Variants in GPR160 observed in about 807,000 individuals in gnomAD.
GPR160 encodes G protein-coupled receptor 160.
GPR160 carries 2 observed loss-of-function variants against 2.6 expected under a neutral mutation model. The observed-to-expected ratio is 0.77, with a 90% CI of 0.32 to 2.44. The LOEUF (loss-of-function observed/expected upper bound fraction) is 2.44, where lower values mean the gene tolerates loss of function less well. GPR160 is among the 30% of genes most tolerant of loss of function. GPR160 has a pLI of 0.11. For synonymous variants in GPR160, 130 were observed against 132.2 expected (o/e 0.98, Z 0.12); for missense variants, 351 against 383.6 (o/e 0.91, Z 0.71).
chr3:170,076,608 A>G (rs1712863090), intron 2 of GPR160, among the ~76,000 whole-genome samples: 1 of 151,866 alleles, frequency 6.6e-6, no homozygotes, highest in Non-Finnish European at 1.5e-5. Flanking sequence ...TAGTGGTGCA[A>G]TCTCGGCTCA....
chr3:170,060,168 C>A (rs1182761893), intron 2 of GPR160, among the ~76,000 whole-genome samples: 1 of 151,894 alleles, frequency 6.6e-6, no homozygotes, highest in African/African-American at 2.4e-5. Flanking sequence ...CCTGAAGGAA[C>A]CCTGACAAGA....
At chr3:170,049,676 C>G (rs1373435480) in intron 2 of GPR160, among the ~76,000 whole-genome samples, 8 of 152,026 alleles carry the variant, frequency 5.3e-5, no homozygotes, top group Admixed American at 2.6e-4. Flanking sequence ...GAGGGTCACT[C>G]TAAGGGGACC....
intron 2 of GPR160, among the ~76,000 whole-genome samples, chr3:170,049,110 A>G (rs1716850690): frequency 6.6e-6 from 1 of 152,190 alleles, no homozygotes; most frequent in African/African-American, 2.4e-5. Context: ...AAGACCGTGT[A>G]AGGACAAGAG....
At chr3:170,064,535 T>TTC (rs1219393634) in intron 2 of GPR160, among the ~76,000 whole-genome samples, 29 of 128,030 alleles carry the variant, frequency 2.3e-4, no homozygotes, top group Admixed American at 5.4e-4. Flanking sequence ...TTTTTTTTTT[T>TTC]TGAGGCAGAG....
At chr3:170,042,977 A>G (rs113170134) in intron 2 of GPR160, among the ~76,000 whole-genome samples, 52,132 of 141,188 alleles carry the variant, frequency 0.37, 9,396 homozygotes, top group East Asian at 0.62. Flanking sequence ...TGCCTCCCGG[A>G]TTCATGCCAT....
chr3:170,080,128 G>A (rs1225044598), intron 3 of GPR160, among the ~76,000 whole-genome samples: 3 of 152,176 alleles, frequency 2.0e-5, no homozygotes, highest in Non-Finnish European at 4.4e-5. Context: ...ACCAGATCTT[G>A]TAAATCTCTT....
rs200022589 is a variant in GPR160, at chr3:170,084,074, G to T, written c.102G>T (p.Gly34=). 6 of 1,590,150 alleles carry T rather than the reference G, an allele frequency of 3.8e-6. No individual in the cohort carries two copies. Among genetic ancestry groups the T allele is most frequent in the Non-Finnish European group, 5.1e-6 (6 of 1,166,054 alleles). The change falls in exon 4 of 4, where the codon GGG becomes GGT. Residue 34 remains glycine (G), a synonymous_variant. Coordinates refer to ENST00000355897, the MANE Select transcript of GPR160 (RefSeq NM_014373.3). ...ATCTGCTATTCTTGATCATACTTGG[G>T]AAAATATTATTAAATATCCTTACAC... ...VNYLLFLIIL[G]KILLNILTLG...
chr3:170,045,191 G>A (rs1258740780), intron 2 of GPR160, among the ~76,000 whole-genome samples: 3 of 151,862 alleles, frequency 2.0e-5, no homozygotes, highest in Non-Finnish European at 2.9e-5. Context: ...TTTGTCACTC[G>A]AGTTGTCAGT....
chr3:170,041,515 C>T (rs1024341223), intron 2 of GPR160, among the ~76,000 whole-genome samples: 4 of 152,100 alleles, frequency 2.6e-5, no homozygotes, highest in East Asian at 1.9e-4. Flanking sequence ...CTGTTGACCT[C>T]GTGATCTGCC....
chr3:170,079,102 T>G (rs947679416), intron 2 of GPR160, among the ~76,000 whole-genome samples: 1 of 152,334 alleles, frequency 6.6e-6, no homozygotes, highest in African/African-American at 2.4e-5. Context: ...ACCCACAGAC[T>G]GTGTTTGCTC....
chr3:170,061,700 C>T, intron 2 of GPR160, among the ~76,000 whole-genome samples: 1 of 152,086 alleles, frequency 6.6e-6, no homozygotes, highest in East Asian at 1.9e-4. Flanking sequence ...TCCATCTCAT[C>T]TACATATATT....
intron 2 of GPR160, among the ~76,000 whole-genome samples, chr3:170,041,871 T>G (rs535826518): frequency 6.6e-6 from 1 of 152,352 alleles, no homozygotes; most frequent in South Asian, 2.1e-4. Context: ...GGCCCTTTAG[T>G]GACCAAACTA....
intron 2 of GPR160, among the ~76,000 whole-genome samples, chr3:170,070,148 T>A (rs1236369531): frequency 6.6e-6 from 1 of 152,252 alleles, no homozygotes; most frequent in East Asian, 1.9e-4. Context: ...ATATATGTAA[T>A]TCTTTGTTGC....
At chr3:170,081,384 C>T (rs1559993794) in intron 3 of GPR160, among the ~76,000 whole-genome samples, 1 of 152,082 alleles carries the variant, frequency 6.6e-6, no homozygotes, top group Admixed American at 6.5e-5. Flanking sequence ...GGGAAAAAAA[C>T]TTGAGTGTGG....
intron 2 of GPR160, among the ~76,000 whole-genome samples, chr3:170,061,908 G>C (rs1381732807): frequency 6.6e-6 from 1 of 152,120 alleles, no homozygotes; most frequent in Non-Finnish European, 1.5e-5. Context: ...CAGCACTTTG[G>C]GAGGCGGAGG....
At chr3:170,058,696 G>A (rs772036041) in intron 2 of GPR160, among the ~76,000 whole-genome samples, 19 of 152,142 alleles carry the variant, frequency 1.2e-4, no homozygotes, top group Non-Finnish European at 2.2e-4. Context: ...CTCACTTCTA[G>A]TAATTATTCC....
At chr3:170,065,988 T>C (rs1712308230) in intron 2 of GPR160, among the ~76,000 whole-genome samples, 1 of 151,940 alleles carries the variant, frequency 6.6e-6, no homozygotes, top group African/African-American at 2.4e-5. Context: ...AACTACTGGG[T>C]TCAAGCAATC....
chr3:170,068,896 G>C (rs1276442496), intron 2 of GPR160, among the ~76,000 whole-genome samples: 1 of 152,170 alleles, frequency 6.6e-6, no homozygotes, highest in African/African-American at 2.4e-5. Context: ...AAGTAGGGCA[G>C]TATCTAGGCT....
At chr3:170,050,184 C>T (rs1035938938) in intron 2 of GPR160, among the ~76,000 whole-genome samples, 4 of 151,552 alleles carry the variant, frequency 2.6e-5, no homozygotes, top group Admixed American at 6.6e-5. Flanking sequence ...CTCAGCCTCT[C>T]GAGTAGCTGG....
Sources: allele counts gnomAD v4.1 joint callset (sites outside exome capture counted in the v4.1 genomes callset), GRCh38; gene constraint gnomAD v4.1.1; transcripts MANE v1.5; gene names NCBI Gene and HGNC (gene_info 2026-07-23, HGNC 2026-07-21).